Variants in CDKL2 observed in about 807,000 individuals in gnomAD.
The protein encoded by CDKL2 is cyclin dependent kinase like 2.
Under a neutral mutation model 63.9 loss-of-function variants are expected in CDKL2, and 64 were observed. The ratio of observed to expected loss-of-function variants is 1.00; its 90% CI spans 0.82 to 1.23. The LOEUF (loss-of-function observed/expected upper bound fraction) is 1.23, where lower values mean the gene tolerates loss of function less well. Among genes scored for constraint, CDKL2 ranks in the 50% most tolerant of loss-of-function variants. The pLI is 0.00. For synonymous variants in CDKL2, 211 were observed against 229.2 expected, an observed-to-expected ratio of 0.92 and a Z score of 0.72; for missense variants, 656 against 668.0, an observed-to-expected ratio of 0.98 and a Z score of 0.20.
At chr4:75,596,715 G>A (rs1176283717) in intron 9 of CDKL2, among the ~76,000 whole-genome samples, 3 of 152,112 alleles carry the variant, frequency 2.0e-5, no homozygotes, top group Non-Finnish European at 4.4e-5. Context: ...TTCACCTTAA[G>A]CAATAAAACC....
intron 2 of CDKL2, among the ~76,000 whole-genome samples, chr4:75,619,056 T>C (rs1441447516): frequency 6.6e-6 from 1 of 152,030 alleles, no homozygotes; most frequent in Non-Finnish European, 1.5e-5. Context: ...AAAACAACAT[T>C]CAATTCTAAA....
chr4:75,628,270 C>G (rs1372048029), intron 1 of CDKL2, among the ~76,000 whole-genome samples: 1 of 152,032 alleles, frequency 6.6e-6, no homozygotes, highest in African/African-American at 2.4e-5. Flanking sequence ...CGCCTGCCAC[C>G]ACGCCCAGCT....
rs771928597 is a variant in CDKL2 at position 75,597,173 on chromosome 4, C to G, written c.1084G>C (p.Asp362His). Reference sequence around the variant, plus strand: ...TTGCCTTTTTCAGCTTTTTCTCCATCAATTTTTGAGCCTTTTATTTTAAAT... The same window carrying G: ...TTGCCTTTTTCAGCTTTTTCTCCATGAATTTTTGAGCCTTTTATTTTAAAT... Reference protein sequence around the residue: ...KLFKIKGSKIDGEKAEKGNRA... With the variant: ...KLFKIKGSKIHGEKAEKGNRA... Residue 362 changes from aspartate (D) to histidine (H), a missense_variant, in exon 9 of 14, where the codon GAT becomes CAT. Transcript: ENST00000307465. 3.1e-6 allele frequency: 5 copies of G among 1,613,300 alleles called. No homozygotes were observed. The Admixed American group carries it at 8.3e-5, about 27-fold the overall frequency.
chr4:75,581,755 CA>C, intron 13 of CDKL2, 54 bp downstream of exon 13: 1 of 990,406 alleles, frequency 1.0e-6, no homozygotes, highest in South Asian at 1.4e-5. Context: ...CAGCAAGCCA[CA>C]AAATAGTACC....
intron 13 of CDKL2, among the ~76,000 whole-genome samples, chr4:75,581,060 C>T (rs1186312964): frequency 6.6e-6 from 1 of 152,182 alleles, no homozygotes; most frequent in Non-Finnish European, 1.5e-5. Flanking sequence ...TGGTATAGCA[C>T]TGATCTCTCT....
At chr4:75,604,652 T>A (rs980308633) in intron 5 of CDKL2, among the ~76,000 whole-genome samples, 2 of 152,232 alleles carry the variant, frequency 1.3e-5, no homozygotes, top group African/African-American at 2.4e-5. Flanking sequence ...GAAATCTCTG[T>A]GTCTCTCCTC....
intron 2 of CDKL2, among the ~76,000 whole-genome samples, chr4:75,622,595 G>A (rs1362663167): frequency 4.0e-5 from 6 of 151,598 alleles, no homozygotes; most frequent in Admixed American, 1.3e-4. Flanking sequence ...GCGGGCACCT[G>A]TAATCCCAGC....
chr4:75,612,137 AT>A, intron 3 of CDKL2, among the ~76,000 whole-genome samples: 1 of 149,582 alleles, frequency 6.7e-6, no homozygotes. Flanking sequence ...TGCCCGGCTA[AT>A]TTTTTTATAT....
Position 75,608,188 on chromosome 4 carries a change from G to A in CDKL2, c.364-827C>T, listed in dbSNP as rs564137658. 9.8e-5 allele frequency among the ~76,000 whole-genome samples: 14 copies of A among 143,280 alleles called. No homozygotes were observed. The East Asian group carries it at 2.5e-3, about 25-fold the overall frequency. 94.0% of individuals were successfully genotyped at this position (143,280 alleles called of 152,430 possible). Reference sequence around the variant, plus strand: ...CGCCCAGGCTGGAGTGCAATGGCGCGATTTCGGCTCACTTCAACCTCCGCC... The same window carrying A: ...CGCCCAGGCTGGAGTGCAATGGCGCAATTTCGGCTCACTTCAACCTCCGCC... On this transcript the variant is annotated intron_variant, in intron 3 of 13. Transcript: ENST00000307465.
intron 12 of CDKL2, among the ~76,000 whole-genome samples, chr4:75,589,858 T>C (rs1728633993): frequency 6.6e-6 from 1 of 151,872 alleles, no homozygotes; most frequent in Admixed American, 6.6e-5. Context: ...AGCCTGCACC[T>C]GTAGTCCCAG....
At chr4:75,602,055 A>T (rs934087327) in intron 6 of CDKL2, among the ~76,000 whole-genome samples, 2 of 152,232 alleles carry the variant, frequency 1.3e-5, no homozygotes, top group African/African-American at 4.8e-5. Context: ...AATCAAATAC[A>T]ACAAAAAAGT....
chr4:75,594,862 T>C (rs1038315024), intron 10 of CDKL2, among the ~76,000 whole-genome samples: 1 of 152,012 alleles, frequency 6.6e-6, no homozygotes, highest in Non-Finnish European at 1.5e-5. Context: ...TAGGTGGAGA[T>C]GGGATAGAGG....
At chr4:75,598,978 T>C (rs1036355523) in intron 7 of CDKL2, among the ~76,000 whole-genome samples, 3 of 152,252 alleles carry the variant, frequency 2.0e-5, no homozygotes, top group Non-Finnish European at 2.9e-5. Context: ...ATTACAATTC[T>C]GTTAAACTTG....
At chr4:75,579,440 G>T (rs912893949) in intron 13 of CDKL2, among the ~76,000 whole-genome samples, 1 of 152,172 alleles carries the variant, frequency 6.6e-6, no homozygotes, top group African/African-American at 2.4e-5. Flanking sequence ...TTGGGAGGCC[G>T]AGGCGGGCAG....
At chr4:75,586,279 G>A (rs897183464) in intron 12 of CDKL2, among the ~76,000 whole-genome samples, 2 of 150,532 alleles carry the variant, frequency 1.3e-5, no homozygotes, top group Non-Finnish European at 3.0e-5. Context: ...AGGCTGGAGT[G>A]CAGTGGCACC....
chr4:75,610,705 T>A (rs72647501), intron 3 of CDKL2, among the ~76,000 whole-genome samples: 5,911 of 152,268 alleles, frequency 0.039, 181 homozygotes, highest in Non-Finnish European at 0.059. Context: ...ATTTATATTT[T>A]AAAAAATTCA....
chr4:75,581,721 G>A (rs915821641), intron 13 of CDKL2, 89 bp downstream of exon 13: 33 of 643,926 alleles, frequency 5.1e-5, no homozygotes, highest in African/African-American at 2.5e-4. Flanking sequence ...CACTGGAGAC[G>A]GTTTCAGCTG....
intron 4 of CDKL2, 99 bp from the exon 5 acceptor site, chr4:75,605,733 C>T (rs2148889269): frequency 2.8e-6 from 2 of 708,338 alleles, no homozygotes; most frequent in South Asian, 3.6e-5. Flanking sequence ...GAAATGCCAA[C>T]CAGAGCATTT....
At chr4:75,623,630 A>G (rs1179146083) in intron 2 of CDKL2, among the ~76,000 whole-genome samples, 1 of 152,240 alleles carries the variant, frequency 6.6e-6, no homozygotes, top group Non-Finnish European at 1.5e-5. Flanking sequence ...AATGTAATCA[A>G]TCCAAGTAAC....
Sources: gnomAD v4.1 joint callset for allele counts (sites outside exome capture counted in the v4.1 genomes callset) on GRCh38, gnomAD v4.1.1 for gene constraint, MANE v1.5 for transcripts, NCBI Gene and HGNC (gene_info 2026-07-23, HGNC 2026-07-21) for gene names.